STIM2: variants seen among roughly 807,000 people sequenced by gnomAD.
The protein encoded by STIM2 is stromal interaction molecule 2.
In STIM2, 31 loss-of-function variants were observed where a neutral mutation model predicts 85.8. The ratio of observed to expected loss-of-function variants is 0.36; its 90% CI spans 0.27 to 0.49. The LOEUF (loss-of-function observed/expected upper bound fraction) is 0.49, where lower values mean the gene tolerates loss of function less well. Ranked by LOEUF, STIM2 falls within the 20% of genes least tolerant of loss-of-function variation. The pLI is 0.98. For missense variants in STIM2, 841 were observed against 927.6 expected, an observed-to-expected ratio of 0.91 and a Z score of 1.21; for synonymous variants, 356 against 331.1, an observed-to-expected ratio of 1.08 and a Z score of -0.82.
intron 10 of STIM2, among the ~76,000 whole-genome samples, chr4:27,013,762 G>A (rs146996831): frequency 2.0e-4 from 30 of 152,076 alleles, no homozygotes; most frequent in Non-Finnish European, 4.1e-4. Context: ...CCCTGGGTGG[G>A]CTACAATAAT....
rs1577399749 is a variant in STIM2 at position 26,861,136 on chromosome 4, C to G, written c.-83C>G. On this transcript the variant is annotated 5_prime_UTR_variant, in exon 1 of 12. Coordinates refer to ENST00000467087, the MANE Select transcript of STIM2 (RefSeq NM_020860.4). ...GCCGGGGCGCCGCTGCGCTTTCACC[C>G]GGCTTCTCCTCGGCGCCTTCATCCC... is the stretch of plus-strand genomic sequence containing the variant. 6 of 1,263,886 alleles carry G rather than the reference C, an allele frequency of 4.7e-6. No homozygotes were observed. In the Admixed American group the frequency reaches 2.3e-4, roughly 49 times the overall value. The allele number at this position is 1,263,886 out of a possible 1,614,324, so 78.3% of individuals were successfully genotyped here. A position where few individuals can be genotyped will look rare whatever the true frequency, so the allele number is the denominator to read the frequency against.
intron 3 of STIM2, among the ~76,000 whole-genome samples, chr4:26,976,247 G>T (rs1245620774): frequency 1.3e-5 from 2 of 152,108 alleles, no homozygotes; most frequent in Non-Finnish European, 2.9e-5. Context: ...CCCTCCGTTG[G>T]CTGCACACGT....
Position 27,002,270 on chromosome 4 carries a change from G to A in STIM2, c.679G>A (p.Gly227Ser). 6.2e-7 allele frequency: 1 copy of A among 1,613,094 alleles called. No individual in the cohort carries two copies. Among genetic ancestry groups the A allele is most frequent in the South Asian group, 1.1e-5 (1 of 90,838 alleles). The change falls in exon 6 of 12, where the codon GGT becomes AGT. Residue 227 changes from glycine (G) to serine (S), a missense_variant. Gly to Ser is a moderately conservative substitution (Grantham distance 56, BLOSUM62 0). Coordinates refer to ENST00000467087, the MANE Select transcript of STIM2 (RefSeq NM_020860.4). Reference sequence around the variant, plus strand: ...TATCCTCACAGTTTCTATAGTAATTGGTGTTGGAGGCTGCTGGTTTGCTTA... The same window carrying A: ...TATCCTCACAGTTTCTATAGTAATTAGTGTTGGAGGCTGCTGGTTTGCTTA...
chr4:26,880,051 C>T (rs190162450), intron 1 of STIM2, among the ~76,000 whole-genome samples: 123 of 152,290 alleles, frequency 8.1e-4, no homozygotes, highest in Admixed American at 4.8e-3. Context: ...TTTCTCCCCC[C>T]GCTTTAGAGG....
intron 1 of STIM2, among the ~76,000 whole-genome samples, chr4:26,896,520 T>G (rs951714312): frequency 3.9e-5 from 6 of 152,246 alleles, no homozygotes; most frequent in Non-Finnish European, 8.8e-5. Flanking sequence ...GATGATGCCT[T>G]GACTCTTCTT....
intron 1 of STIM2, among the ~76,000 whole-genome samples, chr4:26,909,800 C>A (rs1454034111): frequency 6.6e-6 from 1 of 152,148 alleles, no homozygotes; most frequent in Non-Finnish European, 1.5e-5. Flanking sequence ...CAAAACAACA[C>A]AAAATAAATA....
At chr4:26,887,496 T>C (rs886269053) in intron 1 of STIM2, among the ~76,000 whole-genome samples, 5 of 152,196 alleles carry the variant, frequency 3.3e-5, no homozygotes, top group Non-Finnish European at 7.3e-5. Flanking sequence ...TGGGAACTTA[T>C]TGCTCCTGAA....
chr4:27,022,246 AT>A (rs1728938737), intron 11 of STIM2, among the ~76,000 whole-genome samples: 2 of 152,336 alleles, frequency 1.3e-5, no homozygotes, highest in East Asian at 3.9e-4. Flanking sequence ...TAACATTTTA[AT>A]TTATTTGACA....
At chr4:26,971,745 A>G (rs1382598536) in intron 3 of STIM2, among the ~76,000 whole-genome samples, 5 of 151,952 alleles carry the variant, frequency 3.3e-5, no homozygotes, top group African/African-American at 4.8e-5. Context: ...TTGGTTCCAT[A>G]TGAACAGTAG....
At chr4:26,913,290 T>C (rs574214466) in intron 1 of STIM2, among the ~76,000 whole-genome samples, 2 of 151,824 alleles carry the variant, frequency 1.3e-5, no homozygotes, top group African/African-American at 2.4e-5. Flanking sequence ...TATAGTAATA[T>C]AGTATTATAC....
intron 1 of STIM2, among the ~76,000 whole-genome samples, chr4:26,891,568 C>A (rs1018920265): frequency 7.0e-6 from 1 of 142,752 alleles, no homozygotes. Flanking sequence ...TACACACACA[C>A]ACACACACAC....
At chr4:26,886,192 C>G (rs933341419) in intron 1 of STIM2, among the ~76,000 whole-genome samples, 1 of 152,008 alleles carries the variant, frequency 6.6e-6, no homozygotes, top group Non-Finnish European at 1.5e-5. Flanking sequence ...TGAACTTTTT[C>G]CTTCTTAAAG....
chr4:26,866,860 A>G (rs560147702), intron 1 of STIM2, among the ~76,000 whole-genome samples: 1 of 152,326 alleles, frequency 6.6e-6, no homozygotes, highest in South Asian at 2.1e-4. Context: ...ATGTACATAT[A>G]TTTTAATTTT....
chr4:26,864,796 G>T (rs960552390), intron 1 of STIM2, among the ~76,000 whole-genome samples: 1 of 151,998 alleles, frequency 6.6e-6, no homozygotes, highest in Non-Finnish European at 1.5e-5. Flanking sequence ...ATTTAGAATG[G>T]CCACTTTACC....
intron 1 of STIM2, among the ~76,000 whole-genome samples, chr4:26,866,283 C>T (rs1176936313): frequency 6.6e-6 from 1 of 152,176 alleles, no homozygotes; most frequent in South Asian, 2.1e-4. Flanking sequence ...CTTGCCCAAG[C>T]TCACTTCTAG....
At chr4:26,982,170 G>A (rs1034817943) in intron 3 of STIM2, among the ~76,000 whole-genome samples, 1 of 152,124 alleles carries the variant, frequency 6.6e-6, no homozygotes, top group African/African-American at 2.4e-5. Flanking sequence ...ATTAAACAGA[G>A]TGTATATCAA....
intron 3 of STIM2, 94 bp from the exon 4 acceptor site, chr4:26,995,285 C>G (rs1027305297): frequency 6.4e-6 from 4 of 623,580 alleles, no homozygotes; most frequent in Middle Eastern, 2.9e-4. Context: ...ATTGAAAATG[C>G]AATCTAATAT....
chr4:26,882,419 A>G (rs772435360), intron 1 of STIM2, among the ~76,000 whole-genome samples: 1 of 151,470 alleles, frequency 6.6e-6, no homozygotes, highest in South Asian at 2.1e-4. Context: ...GGTTTTATCT[A>G]GAAACCTAGT....
chr4:26,916,048 TTA>T (rs556316433), intron 1 of STIM2, among the ~76,000 whole-genome samples: 60 of 152,332 alleles, frequency 3.9e-4, no homozygotes, highest in African/African-American at 1.4e-3. Context: ...TTTCAAACCA[TTA>T]TAATTATAGG....
Sources: gnomAD v4.1 joint callset for allele counts (sites outside exome capture counted in the v4.1 genomes callset) on GRCh38, gnomAD v4.1.1 for gene constraint, MANE v1.5 for transcripts, NCBI Gene and HGNC (gene_info 2026-07-23, HGNC 2026-07-21) for gene names.